Variants in SLC30A7 observed in about 807,000 individuals in gnomAD.
SLC30A7 encodes solute carrier family 30 member 7.
A neutral mutation model predicts 46.0 loss-of-function variants in SLC30A7; 35 were observed. The observed-to-expected ratio is 0.76, with a 90% CI of 0.58 to 1.01. The LOEUF (loss-of-function observed/expected upper bound fraction) is 1.01, where lower values mean the gene tolerates loss of function less well. Ranked by LOEUF, SLC30A7 falls within the 50% of genes least tolerant of loss-of-function variation. The pLI, the probability that SLC30A7 is intolerant of heterozygous loss-of-function variation, is 0.00. For missense variants in SLC30A7, 464 were observed against 451.1 expected, an observed-to-expected ratio of 1.03 and a Z score of -0.26; for synonymous variants, 147 against 157.8, an observed-to-expected ratio of 0.93 and a Z score of 0.51.
intron 8 of SLC30A7, among the ~76,000 whole-genome samples, chr1:100,932,679 ACT>A (rs1269885499): frequency 6.6e-6 from 1 of 152,186 alleles, no homozygotes; most frequent in Non-Finnish European, 1.5e-5. Flanking sequence ...AAGGAAACTT[ACT>A]GGGAGTGTGT....
At chr1:100,936,772 A>G (rs1402994422) in intron 8 of SLC30A7, among the ~76,000 whole-genome samples, 2 of 152,170 alleles carry the variant, frequency 1.3e-5, no homozygotes, top group African/African-American at 4.8e-5. Flanking sequence ...CTCAGCCCCT[A>G]GCAACCACTA....
At chr1:100,911,184 C>T (rs1440629172) in intron 4 of SLC30A7, 34 bp downstream of exon 4, 1 of 1,374,104 alleles carries the variant, frequency 7.3e-7, no homozygotes. Flanking sequence ...CAGTAAATTA[C>T]ATTTCTGTAA....
chr1:100,931,788 CAG>C (rs1040588767), intron 8 of SLC30A7, among the ~76,000 whole-genome samples: 20 of 152,172 alleles, frequency 1.3e-4, no homozygotes, highest in African/African-American at 4.8e-4. Context: ...ATCTTCCAAT[CAG>C]AGTTATTCAG....
At chr1:100,943,425 T>C (rs997018602) in intron 8 of SLC30A7, among the ~76,000 whole-genome samples, 3 of 150,908 alleles carry the variant, frequency 2.0e-5, no homozygotes, top group African/African-American at 7.3e-5. Flanking sequence ...GGAAACTTCA[T>C]GTCTTCAGCT....
chr1:100,956,483 G>GT (rs1655234496), intron 8 of SLC30A7, among the ~76,000 whole-genome samples: 1 of 152,102 alleles, frequency 6.6e-6, no homozygotes, highest in South Asian at 2.1e-4. Flanking sequence ...ATCTGTAGAT[G>GT]TTTTTTCTAG....
intron 8 of SLC30A7, among the ~76,000 whole-genome samples, chr1:100,948,247 A>G (rs998337359): frequency 6.6e-6 from 1 of 151,426 alleles, no homozygotes; most frequent in Admixed American, 6.6e-5. Context: ...AGGCCCACAG[A>G]ATCTCTCCAC....
chr1:100,993,750 AT>A, the SLC30A7 span, among the ~76,000 whole-genome samples: 1,841 of 145,424 alleles, frequency 0.013, 38 homozygotes, highest in African/African-American at 0.04. Flanking sequence ...TAAAAAGGCA[AT>A]TTTTTTTTTT....
In SLC30A7 at chr1:100,980,034, T is replaced by TG. The variant is rs1165179185; in HGVS notation, c.*5178dup. ...TATGATTATTTCCTACCTTTACCAT[T>TG]GATCTTAAACTGTGCAGGCTAAAAA... On this transcript the variant is annotated 3_prime_UTR_variant, in exon 11 of 11. Coordinates refer to ENST00000357650, the MANE Select transcript of SLC30A7 (RefSeq NM_133496.5). The TG allele has an allele frequency of 6.6e-6, 1 of 152,166 alleles. No individual in the cohort carries two copies. Among genetic ancestry groups the TG allele is most frequent in the Admixed American group, 6.5e-5 (1 of 15,278 alleles). 9.4% of individuals were successfully genotyped at this position (152,166 alleles called of 1,614,324 possible).
chr1:100,982,825 C>T (rs77403230), downstream of SLC30A7, among the ~76,000 whole-genome samples: 3,595 of 152,240 alleles, frequency 0.024, 132 homozygotes, highest in African/African-American at 0.079. Context: ...GAGCTGGCCC[C>T]TCTGCATACC....
At chr1:100,989,526 C>G in the SLC30A7 span, 1 of 152,180 alleles carries the variant, frequency 6.6e-6, no homozygotes, top group African/African-American at 2.4e-5. Context: ...AATCTTTCTA[C>G]CTTTGTTTAT....
the SLC30A7 span, among the ~76,000 whole-genome samples, chr1:100,988,094 C>T: frequency 5.9e-5 from 9 of 151,304 alleles, no homozygotes; most frequent in Admixed American, 4.1e-4. Flanking sequence ...GGGGCATGCA[C>T]GGTTTGAGAG....
intron 3 of SLC30A7, among the ~76,000 whole-genome samples, chr1:100,908,650 T>C (rs1261624748): frequency 6.6e-6 from 1 of 152,186 alleles, no homozygotes; most frequent in Non-Finnish European, 1.5e-5. Flanking sequence ...TTTTATGGCA[T>C]GATATTGGTG....
chr1:100,972,290 G>GA (rs1477989623), intron 10 of SLC30A7: 3 of 357,954 alleles, frequency 8.4e-6, no homozygotes, highest in Admixed American at 3.4e-5. Context: ...ACTGGAAGAG[G>GA]AAAATGAGAA....
At chr1:100,900,545 GA>G (rs1175620565) in intron 2 of SLC30A7, among the ~76,000 whole-genome samples, 2 of 152,090 alleles carry the variant, frequency 1.3e-5, no homozygotes, top group Non-Finnish European at 2.9e-5. Context: ...AGCTTATGGT[GA>G]TGGCTTTTGC....
At chr1:100,988,945 T>C in the SLC30A7 span, among the ~76,000 whole-genome samples, 54 of 152,150 alleles carry the variant, frequency 3.5e-4, no homozygotes, top group Admixed American at 2.6e-3. Context: ...GTAAAATAAG[T>C]CAAATAATCT....
At chr1:100,939,873 C>G (rs918388759) in intron 8 of SLC30A7, among the ~76,000 whole-genome samples, 1 of 150,910 alleles carries the variant, frequency 6.6e-6, no homozygotes, top group Non-Finnish European at 1.5e-5. Flanking sequence ...AGCAACATGT[C>G]AATGCTTTTT....
In SLC30A7 at chr1:100,979,451, A is replaced by G. The variant is rs948804675; in HGVS notation, c.*4594A>G. ...ATTATGTATCCAAAAAAAAAAAAAA[A>G]AAAAAAAGAAAAGGAGCAGGGAAGG... On this transcript the variant is annotated 3_prime_UTR_variant, in exon 11 of 11. Transcript: ENST00000357650. 6.6e-6 allele frequency: 1 copy of G among 150,964 alleles called. No homozygotes were observed. The highest frequency in any genetic ancestry group is 1.5e-5 in the Non-Finnish European group (1 of 67,608). 9.4% of individuals were successfully genotyped at this position (150,964 alleles called of 1,614,324 possible). A position where few individuals can be genotyped will look rare whatever the true frequency, so the allele number is the denominator to read the frequency against.
At chr1:100,936,672 C>A (rs1206494234) in intron 8 of SLC30A7, among the ~76,000 whole-genome samples, 1 of 152,124 alleles carries the variant, frequency 6.6e-6, no homozygotes, top group Non-Finnish European at 1.5e-5. Flanking sequence ...GTTGTGCTGC[C>A]ATCACTGCCA....
intron 2 of SLC30A7, among the ~76,000 whole-genome samples, chr1:100,901,236 A>G (rs1258601304): frequency 6.6e-6 from 1 of 152,220 alleles, no homozygotes; most frequent in African/African-American, 2.4e-5. Flanking sequence ...TTTACAGATT[A>G]GAAATCAAAC....
Sources: allele counts gnomAD v4.1 joint callset (sites outside exome capture counted in the v4.1 genomes callset), GRCh38; gene constraint gnomAD v4.1.1; transcripts MANE v1.5; gene names NCBI Gene and HGNC (gene_info 2026-07-23, HGNC 2026-07-21).